The following CDH3 variants were observed in gnomAD, a reference collection of about 807,000 sequenced individuals.
The protein encoded by CDH3 is cadherin-3.
A neutral mutation model predicts 82.0 loss-of-function variants in CDH3; 54 were observed. The ratio of observed to expected loss-of-function variants is 0.66; its 90% CI spans 0.53 to 0.83. The LOEUF (loss-of-function observed/expected upper bound fraction) is 0.83. Among genes scored for constraint, CDH3 ranks in the 40% least tolerant of loss-of-function variants. CDH3 has a pLI of 0.00. For synonymous variants in CDH3, 446 were observed against 437.9 expected, an observed-to-expected ratio of 1.02 and a Z score of -0.23; for missense variants, 1,054 against 1,084.6, an observed-to-expected ratio of 0.97 and a Z score of 0.40.
chr16:68,731,043 A>C (rs1441958854), downstream of CDH3, among the ~76,000 whole-genome samples: 4 of 20,380 alleles, frequency 2.0e-4, no homozygotes, highest in African/African-American at 4.7e-4. Context: ...AAAAAAAAAA[A>C]AAAAATATAT....
intron 2 of CDH3, among the ~76,000 whole-genome samples, chr16:68,665,038 T>C (rs770180595): frequency 6.6e-6 from 1 of 152,226 alleles, no homozygotes; most frequent in Non-Finnish European, 1.5e-5. Flanking sequence ...GGATTCTGAA[T>C]GGCCTTCACC....
chr16:68,706,896 C>T (rs536210041), intron 1 of CDH3, among the ~76,000 whole-genome samples: 3 of 152,220 alleles, frequency 2.0e-5, no homozygotes, highest in South Asian at 4.2e-4. Flanking sequence ...GGCAGAAGGG[C>T]AGGGTAGAGG....
intron 2 of CDH3, among the ~76,000 whole-genome samples, chr16:68,663,809 TTTTTA>T (rs935291025): frequency 7.9e-5 from 12 of 152,046 alleles, no homozygotes; most frequent in East Asian, 7.7e-4. Context: ...GATATTTTAT[TTTTTA>T]TTTTATTTTA....
downstream of CDH3, chr16:68,700,346 G>A (rs117432663): frequency 0.048 from 7,383 of 152,312 alleles, 236 homozygotes; most frequent in Middle Eastern, 0.1. Context: ...CTGAACCGGA[G>A]TTATCGGTGC....
rs199975994 is a variant in CDH3, at chr16:68,675,803, AAAAAG to A, written c.161-572_161-568del. Among the ~76,000 whole-genome samples the A allele has an allele frequency of 1.6e-4, 24 of 152,106 alleles. No individual in the cohort carries two copies. The East Asian group carries it at 3.5e-3, about 22-fold the overall frequency. ...GCAAGACTCTGCCTCGAAAAAAAAA[AAAAAG>A]AAAAGAAAAAAAAGTGGGGGATAAT... On this transcript the variant is annotated intron_variant, in intron 2 of 15. Coordinates refer to ENST00000264012, the MANE Select transcript of CDH3 (RefSeq NM_001793.6).
chr16:68,667,457 A>G (rs1960764388), intron 2 of CDH3, among the ~76,000 whole-genome samples: 1 of 152,282 alleles, frequency 6.6e-6, no homozygotes, highest in East Asian at 1.9e-4. Context: ...CTTGATGGAC[A>G]TTTTGTCTAC....
intron 3 of CDH3, 148 bp downstream of exon 3, chr16:68,676,618 C>T (rs1208422594): frequency 1.3e-5 from 9 of 708,372 alleles, no homozygotes; most frequent in Non-Finnish European, 2.3e-5. Context: ...CTGTCCACAG[C>T]TTGGGTGTGA....
chr16:68,680,265 C>T (rs1961181099), intron 7 of CDH3, among the ~76,000 whole-genome samples: 1 of 152,258 alleles, frequency 6.6e-6, no homozygotes, highest in Non-Finnish European at 1.5e-5. Flanking sequence ...GAGTGGCTCA[C>T]TTAGTGTGCA....
Position 68,698,586 on chromosome 16 carries a change from G to A in CDH3, c.*186G>A. 1 of 612,452 alleles carries A rather than the reference G, an allele frequency of 1.6e-6. No homozygotes were observed. The highest frequency in any genetic ancestry group is 2.8e-5 in the East Asian group (1 of 36,236). The allele number at this position is 612,452 out of a possible 1,614,324, so 37.9% of individuals were successfully genotyped here. ...TTAGCCTTTCAGGATGGAGGAATGT[G>A]GGCAGTTTGACTTCAGCACTGAAAA... On this transcript the variant is annotated 3_prime_UTR_variant, in exon 16 of 16. Coordinates refer to ENST00000264012, the MANE Select transcript of CDH3 (RefSeq NM_001793.6).
At chr16:68,695,578 C>A (rs1961696551) in intron 14 of CDH3, among the ~76,000 whole-genome samples, 193 bp downstream of exon 14, 1 of 152,228 alleles carries the variant, frequency 6.6e-6, no homozygotes, top group Non-Finnish European at 1.5e-5. Context: ...GCCAAGTTAA[C>A]CTCAAGCCTA....
chr16:68,686,369 G>A (rs1597813194), intron 11 of CDH3: 12 of 1,125,750 alleles, frequency 1.1e-5, no homozygotes, highest in East Asian at 4.7e-5. Flanking sequence ...AGTCTGAGGT[G>A]GAGGGAGTCA....
chr16:68,665,736 T>C lies in CDH3; in HGVS notation c.161-10649T>C, dbSNP rs113188809. On this transcript the variant is annotated intron_variant, in intron 2 of 15. Transcript: ENST00000264012. ...CACACCTCATGCTGAGTCAGCCGCG[T>C]TCCAAACTCTCAGAGTGCCTAGTTT... Among the ~76,000 whole-genome samples the C allele has an allele frequency of 5.3e-3, 802 of 152,144 alleles. 8 individuals are homozygous for C. The South Asian group carries it at 0.063, about 12-fold the overall frequency.
the CDH3 span, among the ~76,000 whole-genome samples, chr16:68,733,029 T>C: frequency 6.6e-6 from 1 of 152,134 alleles, no homozygotes; most frequent in South Asian, 2.1e-4. Context: ...AAAGGGAATG[T>C]ATTGGGCCAA....
chr16:68,706,544 CTTTTTT>C (rs34364461), intron 1 of CDH3, among the ~76,000 whole-genome samples: 12 of 81,670 alleles, frequency 1.5e-4, no homozygotes, highest in South Asian at 4.9e-4. Context: ...GTCACATTTC[CTTTTTT>C]TTTTTTTTTT....
intron 1 of CDH3, among the ~76,000 whole-genome samples, chr16:68,710,009 C>A (rs1597827645): frequency 6.6e-6 from 1 of 152,240 alleles, no homozygotes; most frequent in East Asian, 1.9e-4. Context: ...CAGATCCACT[C>A]TCTTCCCTTC....
chr16:68,691,700 C>G lies in CDH3; in HGVS notation c.1796-20C>G. 1 of 1,600,094 alleles carries G rather than the reference C, an allele frequency of 6.2e-7. No individual in the cohort carries two copies. Among genetic ancestry groups the G allele is most frequent in the Non-Finnish European group, 8.6e-7 (1 of 1,167,344 alleles). On this transcript the variant is annotated intron_variant, in intron 12 of 15. Transcript: ENST00000264012. ...CGCACTGATGGTTCCCACAGCTAATCAATGATCTGTTCACTCCAGGTGACA... is the reference window on the plus strand; with the variant it reads ...CGCACTGATGGTTCCCACAGCTAATGAATGATCTGTTCACTCCAGGTGACA...
At chr16:68,650,459 G>C (rs945002048) in intron 2 of CDH3, among the ~76,000 whole-genome samples, 1 of 152,020 alleles carries the variant, frequency 6.6e-6, no homozygotes, top group African/African-American at 2.4e-5. Flanking sequence ...GCGCCACAAC[G>C]CCTGGCTAAT....
rs753907715 is a variant in CDH3 at position 68,672,550 on chromosome 16, T to C, written c.161-3835T>C. On this transcript the variant is annotated intron_variant, in intron 2 of 15. Transcript: ENST00000264012. ...AAGATGAGTCTACAAAGCTGTGTGC[T>C]GGCAATAAAGGGCAGGGCCACCTGG... Among the ~76,000 whole-genome samples the C allele has an allele frequency of 3.2e-4, 48 of 152,310 alleles. 1 individual carries two copies. Among genetic ancestry groups the C allele is most frequent in the Middle Eastern group, 3.4e-3 (1 of 294 alleles).
chr16:68,645,667 C>T lies in CDH3; in HGVS notation c.77C>T (p.Pro26Leu), dbSNP rs1333370151. The part of the protein sequence containing the change: ...VCWLQCAASE[P>L]CRAVFREAEV... The stretch of plus-strand genomic sequence containing the variant: ...TGGCTGCAGTGCGCGGCCTCCGAGC[C>T]GTGCCGGGCGGTCTTCAGGGAGGCT... The change falls in exon 2 of 16, where the codon CCG (proline) becomes CTG (leucine). Residue 26 changes from proline to leucine, a missense_variant. Pro to Leu is a moderately conservative substitution (Grantham distance 98). Transcript: ENST00000264012. 4 of 1,544,306 alleles carry T rather than the reference C, an allele frequency of 2.6e-6. No homozygotes were observed. The highest frequency in any genetic ancestry group is 3.5e-6 in the Non-Finnish European group (4 of 1,146,648).
Sources: gnomAD v4.1 joint callset for allele counts (sites outside exome capture counted in the v4.1 genomes callset) on GRCh38, gnomAD v4.1.1 for gene constraint, MANE v1.5 for transcripts, NCBI Gene and HGNC (gene_info 2026-07-23, HGNC 2026-07-21) for gene names.